Variants in CBLB observed in about 807,000 individuals in gnomAD.
CBLB encodes the protein E3 ubiquitin-protein ligase CBL-B.
Under a neutral mutation model 104.9 loss-of-function variants are expected in CBLB, and 31 were observed. The observed-to-expected ratio is 0.30, with a 90% CI of 0.22 to 0.40. The LOEUF (loss-of-function observed/expected upper bound fraction) is 0.40. Ranked by LOEUF, CBLB falls within the 10% of genes least tolerant of loss-of-function variation. The pLI, the probability that CBLB is intolerant of heterozygous loss-of-function variation, is 1.00. For missense variants in CBLB, 1,062 were observed against 1,214.6 expected (o/e 0.87, Z 1.87); for synonymous variants, 440 against 422.6 (o/e 1.04, Z -0.51).
intron 13 of CBLB, among the ~76,000 whole-genome samples, chr3:105,686,647 AGAT>A (rs2067047834): frequency 6.6e-6 from 1 of 152,120 alleles, no homozygotes; most frequent in African/African-American, 2.4e-5. Flanking sequence ...AAAAATCTAA[AGAT>A]TTAAGTTTCA....
At chr3:105,816,010 A>G (rs890395442) in intron 3 of CBLB, among the ~76,000 whole-genome samples, 16 of 152,110 alleles carry the variant, frequency 1.1e-4, no homozygotes, top group African/African-American at 3.6e-4. Context: ...CAATGAGAAC[A>G]TATGGGCACA....
At chr3:105,840,381 T>C (rs1462375109) in intron 3 of CBLB, among the ~76,000 whole-genome samples, 1 of 150,364 alleles carries the variant, frequency 6.7e-6, no homozygotes, top group Non-Finnish European at 1.5e-5. Context: ...ACAAGCATCG[T>C]GTTAGAAAAA....
chr3:105,721,340 T>C (rs2072785922), intron 9 of CBLB, among the ~76,000 whole-genome samples: 1 of 152,164 alleles, frequency 6.6e-6, no homozygotes, highest in African/African-American at 2.4e-5. Flanking sequence ...ACAGTGATGT[T>C]TGGATCAAGG....
chr3:105,799,248 T>C (rs1004729660), intron 3 of CBLB, among the ~76,000 whole-genome samples: 7 of 148,384 alleles, frequency 4.7e-5, no homozygotes, highest in Admixed American at 2.7e-4. Context: ...TAAGAGGGTA[T>C]TATCAAAATA....
chr3:105,741,588 G>C (rs914593013), intron 6 of CBLB, among the ~76,000 whole-genome samples: 1 of 152,132 alleles, frequency 6.6e-6, no homozygotes, highest in East Asian at 1.9e-4. Flanking sequence ...AGTAGAGATG[G>C]GGTTCACCGT....
chr3:105,757,677 A>G (rs1488070910), intron 4 of CBLB, among the ~76,000 whole-genome samples: 1 of 152,220 alleles, frequency 6.6e-6, no homozygotes. Context: ...AAGACTAAAA[A>G]TCAGATACAT....
In CBLB at chr3:105,658,789, C is replaced by T. The variant is rs1576058022; in HGVS notation, c.*181G>A. ...ATGGCTAGCAAAAACAAGGAAGCCA[C>T]AGCTGTCGACATCCTGAGCAAGCAT... On this transcript the variant is annotated 3_prime_UTR_variant, in exon 19 of 19. Coordinates refer to ENST00000394030, the MANE Select transcript of CBLB (RefSeq NM_170662.5). 7.8e-6 allele frequency: 5 copies of T among 640,592 alleles called. No individual in the cohort carries two copies. The highest frequency in any genetic ancestry group is 4.3e-4 in the Middle Eastern group (1 of 2,324). 39.7% of individuals were successfully genotyped at this position (640,592 alleles called of 1,614,324 possible).
At position 105,747,157 on chromosome 3, in the gene CBLB, G is replaced by A. The variant is rs540307227; in HGVS notation, c.724-1119C>T. Among the ~76,000 whole-genome samples, 6 of 152,272 alleles carry A rather than the reference G, an allele frequency of 3.9e-5. No individual in the cohort carries two copies. In the South Asian group the frequency reaches 1.2e-3, roughly 32 times the overall value. On this transcript the variant is annotated intron_variant, in intron 5 of 18. Coordinates refer to ENST00000394030, the MANE Select transcript of CBLB (RefSeq NM_170662.5). ...ATAGACAACTTTACTCAAGGGTGTG[G>A]ATGAATCATCTCTGCGATTTTTTTA...
intron 8 of CBLB, among the ~76,000 whole-genome samples, chr3:105,736,806 A>T (rs2075000548): frequency 6.6e-6 from 1 of 152,140 alleles, no homozygotes; most frequent in South Asian, 2.1e-4. Flanking sequence ...CATAATTGTT[A>T]TCTTCAACAG....
chr3:105,665,901 C>A (rs930864647), intron 18 of CBLB, among the ~76,000 whole-genome samples: 4 of 151,040 alleles, frequency 2.6e-5, no homozygotes, highest in Admixed American at 1.3e-4. Flanking sequence ...TGGTGGTGGG[C>A]GCCTGTAGTC....
At chr3:105,780,670 T>TTTTTTTTTTTTTTTTTTTTG (rs1560209728) in intron 3 of CBLB, among the ~76,000 whole-genome samples, 1 of 135,176 alleles carries the variant, frequency 7.4e-6, no homozygotes, top group African/African-American at 2.7e-5. Flanking sequence ...GTTTTTTTTT[T>TTTTTTTTTTTTTTTTTTTTG]TTTTTTTTTT....
intron 1 of CBLB, chr3:105,868,377 G>T (rs995625250): frequency 2.2e-6 from 1 of 447,336 alleles, no homozygotes. Flanking sequence ...CCCCTTCCCG[G>T]CCCCTCGGGT....
In CBLB at chr3:105,694,493, G is replaced by A. The variant is rs150852386; in HGVS notation, c.1960-905C>T. Among the ~76,000 whole-genome samples the A allele has an allele frequency of 1.7e-3, 253 of 151,914 alleles. 1 individual carries two copies. Among genetic ancestry groups the A allele is most frequent in the African/African-American group, 5.8e-3 (240 of 41,502 alleles). On this transcript the variant is annotated intron_variant, in intron 12 of 18. Transcript: ENST00000394030. ...CATATTTAATAGGTAGACTGATGGTGGGGCTAAATACATGTAAAGTAATTT... is the reference window on the plus strand; with the variant it reads ...CATATTTAATAGGTAGACTGATGGTAGGGCTAAATACATGTAAAGTAATTT...
chr3:105,868,888 G>C lies in CBLB; in HGVS notation c.-167C>G, dbSNP rs1455085590. Reference sequence around the variant, plus strand: ...GGAGCAACCCAGCGCGCAGGCCTCCGAGACGTGGAAACGCAACAATTACCG... The same window carrying C: ...GGAGCAACCCAGCGCGCAGGCCTCCCAGACGTGGAAACGCAACAATTACCG... On this transcript the variant is annotated 5_prime_UTR_variant, in exon 1 of 19. Transcript: ENST00000394030. 2.0e-6 allele frequency: 2 copies of C among 1,017,038 alleles called. No homozygotes were observed. Among genetic ancestry groups the C allele is most frequent in the African/African-American group, 1.7e-5 (1 of 57,376 alleles). 63.0% of individuals were successfully genotyped at this position (1,017,038 alleles called of 1,614,324 possible).
chr3:105,775,585 C>T (rs1225913322), intron 4 of CBLB, among the ~76,000 whole-genome samples: 1 of 152,188 alleles, frequency 6.6e-6, no homozygotes, highest in Non-Finnish European at 1.5e-5. Flanking sequence ...CTAGGACATT[C>T]TGAGGACGCG....
chr3:105,703,222 CTGTTG>C (rs1479084682), intron 11 of CBLB, among the ~76,000 whole-genome samples: 1 of 152,104 alleles, frequency 6.6e-6, no homozygotes, highest in East Asian at 1.9e-4. Flanking sequence ...AAAAAGGAAT[CTGTTG>C]TGTTTACATA....
At chr3:105,838,647 C>T (rs1007157842) in intron 3 of CBLB, among the ~76,000 whole-genome samples, 15 of 151,002 alleles carry the variant, frequency 9.9e-5, no homozygotes, top group Non-Finnish European at 1.5e-5. Context: ...ACTTTAAAAA[C>T]CTTACAGAAA....
At chr3:105,684,567 T>C (rs1576322472) in intron 14 of CBLB, among the ~76,000 whole-genome samples, 1 of 152,192 alleles carries the variant, frequency 6.6e-6, no homozygotes, top group African/African-American at 2.4e-5. Context: ...CTTTTTTTTT[T>C]TTTGAGATGG....
intron 17 of CBLB, among the ~76,000 whole-genome samples, chr3:105,677,424 G>T (rs923710807): frequency 6.6e-6 from 1 of 151,582 alleles, no homozygotes; most frequent in African/African-American, 2.4e-5. Flanking sequence ...GCTGATAAGG[G>T]AATCAGTTGG....
Sources: allele counts gnomAD v4.1 joint callset (sites outside exome capture counted in the v4.1 genomes callset), GRCh38; gene constraint gnomAD v4.1.1; transcripts MANE v1.5; gene names NCBI Gene and HGNC (gene_info 2026-07-23, HGNC 2026-07-21).